The following GRM3 variants were observed in gnomAD, a reference collection of about 807,000 sequenced individuals.
GRM3 encodes glutamate metabotropic receptor 3, also known as metabotropic glutamate receptor 3.
Under a neutral mutation model 70.5 loss-of-function variants are expected in GRM3, and 26 were observed. The observed-to-expected ratio is 0.37, with a 90% CI of 0.27 to 0.51. GRM3 has a LOEUF of 0.51. Among genes scored for constraint, GRM3 ranks in the 20% least tolerant of loss-of-function variants. GRM3 has a pLI of 0.93. For missense variants in GRM3, 859 were observed against 1,123.8 expected, an observed-to-expected ratio of 0.76 and a Z score of 3.37; for synonymous variants, 443 against 434.9, an observed-to-expected ratio of 1.02 and a Z score of -0.23.
chr7:86,825,432 C>G (rs1024492527), intron 3 of GRM3, among the ~76,000 whole-genome samples: 1 of 152,144 alleles, frequency 6.6e-6, no homozygotes, highest in Non-Finnish European at 1.5e-5. Flanking sequence ...AATAAGGCAG[C>G]CTTTTCTGTG....
intron 1 of GRM3, among the ~76,000 whole-genome samples, chr7:86,668,036 G>A (rs764903704): frequency 3.9e-5 from 6 of 152,056 alleles, no homozygotes; most frequent in African/African-American, 9.7e-5. Context: ...GTCTGACCCC[G>A]TTTGGTGGGA....
intron 1 of GRM3, among the ~76,000 whole-genome samples, chr7:86,659,432 A>G (rs564909475): frequency 6.6e-6 from 1 of 152,234 alleles, no homozygotes. Context: ...GAGGAAAGTG[A>G]AGTACTAACA....
In GRM3 at chr7:86,765,463, G is replaced by A; in HGVS notation, c.318G>A (p.Leu106=). ...CATGTTCAAGGGATACCTATGCATTGGAGCAATCACTGGAGTTTGTCAGGG... is the reference window on the plus strand; with the variant it reads ...CATGTTCAAGGGATACCTATGCATTAGAGCAATCACTGGAGTTTGTCAGGG... ...LDTCSRDTYA[L]EQSLEFVRAS... The change falls in exon 2 of 6, where the codon TTG becomes TTA. Residue 106 remains leucine (L), a synonymous_variant. Transcript: ENST00000361669. The A allele has an allele frequency of 6.2e-7, 1 of 1,613,910 alleles. No homozygotes were observed. Among genetic ancestry groups the A allele is most frequent in the Non-Finnish European group, 8.5e-7 (1 of 1,179,874 alleles).
At chr7:86,806,083 C>T (rs926858618) in intron 3 of GRM3, among the ~76,000 whole-genome samples, 1 of 152,146 alleles carries the variant, frequency 6.6e-6, no homozygotes, top group African/African-American at 2.4e-5. Flanking sequence ...TGAACTCATC[C>T]TTTTTTATGG....
At chr7:86,798,839 T>C (rs1443630437) in intron 3 of GRM3, among the ~76,000 whole-genome samples, 1 of 151,456 alleles carries the variant, frequency 6.6e-6, no homozygotes, top group Admixed American at 6.6e-5. Context: ...GGTAATTGAA[T>C]CATGGGCTGA....
intron 3 of GRM3, among the ~76,000 whole-genome samples, chr7:86,824,106 C>A (rs934293327): frequency 2.0e-5 from 3 of 152,092 alleles, no homozygotes; most frequent in Admixed American, 6.6e-5. Flanking sequence ...TGTCAGTCAG[C>A]CAGTGAAGGT....
At chr7:86,736,302 G>A (rs1468292234) in intron 1 of GRM3, among the ~76,000 whole-genome samples, 1 of 152,096 alleles carries the variant, frequency 6.6e-6, no homozygotes, top group African/African-American at 2.4e-5. Flanking sequence ...TCCTGCAGGT[G>A]GTGTGCCTTA....
chr7:86,645,205 C>G (rs113213921), intron 1 of GRM3, among the ~76,000 whole-genome samples: 7 of 152,146 alleles, frequency 4.6e-5, no homozygotes, highest in Admixed American at 3.9e-4. Flanking sequence ...CATCTCAGCT[C>G]TGGGCTCAGA....
At chr7:86,821,334 GACTA>G (rs1319237309) in intron 3 of GRM3, among the ~76,000 whole-genome samples, 5 of 152,198 alleles carry the variant, frequency 3.3e-5, no homozygotes, top group Non-Finnish European at 2.9e-5. Flanking sequence ...AAAACCAGCT[GACTA>G]ACAGCACAGT....
At chr7:86,709,297 T>G (rs1347631012) in intron 1 of GRM3, among the ~76,000 whole-genome samples, 3 of 152,038 alleles carry the variant, frequency 2.0e-5, no homozygotes, top group Admixed American at 2.0e-4. Context: ...TCCACCACAC[T>G]GCTCCATGGC....
At chr7:86,742,206 C>A (rs538721404) in intron 1 of GRM3, among the ~76,000 whole-genome samples, 2 of 152,114 alleles carry the variant, frequency 1.3e-5, no homozygotes, top group Non-Finnish European at 2.9e-5. Context: ...TTCTTCAAGG[C>A]ATTTTGGTTC....
intron 1 of GRM3, among the ~76,000 whole-genome samples, chr7:86,699,960 T>C (rs572032733): frequency 1.1e-4 from 16 of 152,102 alleles, no homozygotes; most frequent in African/African-American, 3.6e-4. Context: ...CAAAGATCTC[T>C]GGTTAATGAG....
At chr7:86,836,333 A>T (rs1798456465) in intron 3 of GRM3, among the ~76,000 whole-genome samples, 3 of 152,216 alleles carry the variant, frequency 2.0e-5, no homozygotes, top group Admixed American at 1.3e-4. Context: ...TTATAAAGGG[A>T]AAACCTTAGA....
At chr7:86,864,005 ATTTAAT>A (rs1179475878) in intron 5 of GRM3, among the ~76,000 whole-genome samples, 7 of 150,696 alleles carry the variant, frequency 4.6e-5, no homozygotes, top group Admixed American at 2.0e-4. Flanking sequence ...TGAGTTTTTA[ATTTAAT>A]TTTATTTTTT....
At chr7:86,715,280 T>G (rs1383796218) in intron 1 of GRM3, among the ~76,000 whole-genome samples, 1 of 152,034 alleles carries the variant, frequency 6.6e-6, no homozygotes, top group Non-Finnish European at 1.5e-5. Context: ...TATCAAAATA[T>G]TCTATTAACT....
In GRM3 at chr7:86,787,121, G is replaced by T; in HGVS notation, c.1324+5G>T. 6.3e-7 allele frequency: 1 copy of T among 1,591,592 alleles called. No individual in the cohort carries two copies. On this transcript the variant is annotated splice_donor_5th_base_variant and intron_variant, in intron 3 of 5. Coordinates refer to ENST00000361669, the MANE Select transcript of GRM3 (RefSeq NM_000840.3). ...TGCTGAAAATCAACTTCACGGGTAA[G>T]CCAAGAGCCTTTAAACATCTTCTCA...
At chr7:86,831,528 G>C (rs796851687) in intron 3 of GRM3, among the ~76,000 whole-genome samples, 1 of 151,984 alleles carries the variant, frequency 6.6e-6, no homozygotes, top group African/African-American at 2.4e-5. Flanking sequence ...AAATAAATCA[G>C]GTTAGCCCTG....
chr7:86,685,623 G>A (rs1221713730), intron 1 of GRM3, among the ~76,000 whole-genome samples: 1 of 152,058 alleles, frequency 6.6e-6, no homozygotes, highest in African/African-American at 2.4e-5. Context: ...GGTATAAATG[G>A]GGGCCGGGCA....
intron 1 of GRM3, among the ~76,000 whole-genome samples, chr7:86,748,481 G>A (rs1441523613): frequency 1.3e-5 from 2 of 151,806 alleles, no homozygotes; most frequent in East Asian, 1.9e-4. Context: ...TCATTCAGGG[G>A]AAGAGCTTTT....
Sources: allele counts gnomAD v4.1 joint callset (sites outside exome capture counted in the v4.1 genomes callset), GRCh38; gene constraint gnomAD v4.1.1; transcripts MANE v1.5; gene names NCBI Gene and HGNC (gene_info 2026-07-23, HGNC 2026-07-21).